The following BRD1 variants were observed in gnomAD, a reference collection of about 807,000 sequenced individuals.
The protein encoded by BRD1 is bromodomain containing 1.
A neutral mutation model predicts 107.7 loss-of-function variants in BRD1; 24 were observed. The ratio of observed to expected loss-of-function variants is 0.22; its 90% confidence interval spans 0.16 to 0.31. The LOEUF (loss-of-function observed/expected upper bound fraction) is 0.31. Ranked by LOEUF, BRD1 falls within the 10% of genes least tolerant of loss-of-function variation. The probability of loss-of-function intolerance (pLI) is 1.00; values close to 1 mark genes in which losing one functional copy is unlikely to be tolerated. For synonymous variants in BRD1, 744 were observed against 686.1 expected (o/e 1.08, Z -1.32); for missense variants, 1,279 against 1,638.6 (o/e 0.78, Z 3.79).
At position 49,773,444 on chromosome 22, in the gene BRD1, C is replaced by T. The variant is rs1009862924; in HGVS notation, c.*789G>A. On this transcript the variant is annotated 3_prime_UTR_variant, in exon 13 of 13. Transcript: ENST00000404760. ...ATGTATCCAAAGTTTCTATTGCTAC[C>T]AAAGTGTTCTAAATTAAAACAAGTT... is the stretch of plus-strand genomic sequence containing the variant. The T allele has an allele frequency of 3.3e-5, 5 of 152,516 alleles. No individual in the cohort carries two copies. The highest frequency in any genetic ancestry group is 7.2e-5 in the African/African-American group (3 of 41,428). 9.4% of individuals were successfully genotyped at this position (152,516 alleles called of 1,614,324 possible). A position where few individuals can be genotyped will look rare whatever the true frequency, so the allele number is the denominator to read the frequency against.
chr22:49,790,234 A>G (rs1175735185), intron 7 of BRD1, among the ~76,000 whole-genome samples: 1 of 152,156 alleles, frequency 6.6e-6, no homozygotes, highest in African/African-American at 2.4e-5. Flanking sequence ...CCTCATCCAT[A>G]AAATCAGAAA....
intron 11 of BRD1, 77 bp from the exon 12 acceptor site, chr22:49,775,822 C>CCA: frequency 1.5e-6 from 2 of 1,368,020 alleles, no homozygotes. Flanking sequence ...GGCACCCCCC[C>CCA]CCGCCTCCCC....
At chr22:49,826,132 G>T in intron 1 of BRD1, 1 of 976,502 alleles carries the variant, frequency 1.0e-6, no homozygotes, top group Non-Finnish European at 1.2e-6. Context: ...TGGGGCAGAA[G>T]CAACAGTTGG....
chr22:49,783,465 A>G lies in BRD1; in HGVS notation c.2857+3925T>C, dbSNP rs990714721. Among the ~76,000 whole-genome samples, 1 of 152,244 alleles carries G rather than the reference A, an allele frequency of 6.6e-6. No individual in the cohort carries two copies. On this transcript the variant is annotated intron_variant, in intron 8 of 12. Transcript: ENST00000404760. The surrounding 1 kb of genome is among the most constrained non-coding windows in gnomAD (Gnocchi z 4.2). ...AGACAGTGCCGAGCCAAGTTCCTCC[A>G]TACCCCATGGCACAGACACAGCACA...
chr22:49,817,873 C>T (rs945650401), intron 2 of BRD1, among the ~76,000 whole-genome samples: 17 of 152,164 alleles, frequency 1.1e-4, no homozygotes, highest in Non-Finnish European at 2.9e-5. Context: ...TACAAAGGTG[C>T]GATCACAACT....
intron 7 of BRD1, among the ~76,000 whole-genome samples, chr22:49,791,037 T>C (rs1228164821): frequency 2.6e-5 from 4 of 152,256 alleles, no homozygotes; most frequent in East Asian, 1.9e-4. Context: ...TGCACTGACC[T>C]GCCTCACCAT....
chr22:49,808,340 C>T (rs1170804187), intron 2 of BRD1, among the ~76,000 whole-genome samples: 1 of 152,288 alleles, frequency 6.6e-6, no homozygotes, highest in East Asian at 1.9e-4. Flanking sequence ...GGTTATTCAG[C>T]CTTAAAAGGC....
At chr22:49,775,485 G>T in intron 12 of BRD1, 106 bp downstream of exon 12, 2 of 1,112,594 alleles carry the variant, frequency 1.8e-6, no homozygotes, top group Non-Finnish European at 2.3e-6. Context: ...CTGTGCCAGG[G>T]CCCAGCAGAC....
chr22:49,797,338 G>A (rs1357300251), intron 6 of BRD1, among the ~76,000 whole-genome samples: 2 of 152,194 alleles, frequency 1.3e-5, no homozygotes, highest in Non-Finnish European at 2.9e-5. Context: ...CCGGCTTCAC[G>A]CCACCCTCAG....
At chr22:49,777,549 G>T in intron 9 of BRD1, 129 bp downstream of exon 9, 3 of 1,314,786 alleles carry the variant, frequency 2.3e-6, no homozygotes, top group South Asian at 1.4e-5. Context: ...GAGCACACAT[G>T]AATCCCAGGC....
chr22:49,804,869 A>G lies in BRD1; in HGVS notation c.1368-509T>C, dbSNP rs79586269. ...CTGACTCAAAAATAAAATTAAAAAA[A>G]AAAGATTTCATCCACTTCTCATTCA... On this transcript the variant is annotated intron_variant, in intron 2 of 12. Transcript: ENST00000404760. 9.2e-3 allele frequency among the ~76,000 whole-genome samples: 1,405 copies of G among 152,322 alleles called. 26 individuals carry two copies. Among genetic ancestry groups the G allele is most frequent in the African/African-American group, 0.033 (1,358 of 41,562 alleles).
chr22:49,775,550 C>A (rs1404477674), intron 12 of BRD1, 41 bp downstream of exon 12: 1 of 1,361,038 alleles, frequency 7.3e-7, no homozygotes, highest in Admixed American at 2.7e-5. Context: ...GGCCCCCAAC[C>A]ACCCCAGCCG....
At chr22:49,786,149 T>C (rs1007511794) in intron 8 of BRD1, among the ~76,000 whole-genome samples, 19 of 151,524 alleles carry the variant, frequency 1.3e-4, no homozygotes, top group African/African-American at 4.1e-4. Flanking sequence ...CGCATCTCCT[T>C]ATCTAGGTAT....
At chr22:49,807,036 AC>A (rs2059759644) in intron 2 of BRD1, 1 of 151,672 alleles carries the variant, frequency 6.6e-6, no homozygotes, top group South Asian at 2.1e-4. Flanking sequence ...AGGGAAAAGA[AC>A]CCCGGAAATG....
In BRD1 at chr22:49,823,964, C is replaced by T. The variant is rs375151565; in HGVS notation, c.354G>A (p.Pro118=). The part of the protein sequence containing the change: ...HGTPASASAL[P]EPKVRIVEYS... ...ACTCCACGATGCGCACCTTGGGCTCCGGGAGGGCACTGGCCGAGGCCGGCG... is the reference window on the plus strand; with the variant it reads ...ACTCCACGATGCGCACCTTGGGCTCTGGGAGGGCACTGGCCGAGGCCGGCG... Residue 118 remains proline, a synonymous_variant, in exon 2 of 13, where the codon CCG becomes CCA. Coordinates refer to ENST00000404760, the MANE Select transcript of BRD1 (RefSeq NM_001304808.3). 6.4e-5 allele frequency: 103 copies of T among 1,614,038 alleles called. No homozygotes were observed. The African/African-American group carries it at 8.5e-4, about 13-fold the overall frequency.
In BRD1 at chr22:49,798,694, G is replaced by A. The variant is rs564013262; in HGVS notation, c.1657-8C>T. The A allele has an allele frequency of 3.1e-6, 5 of 1,592,478 alleles. No homozygotes were observed. Among genetic ancestry groups the A allele is most frequent in the Non-Finnish European group, 4.3e-6 (5 of 1,170,658 alleles). On this transcript the variant is annotated splice_polypyrimidine_tract_variant and splice_region_variant and intron_variant, in intron 4 of 12. Transcript: ENST00000404760. ...GACCTGCTCCACCTTCACCTGGGGG[G>A]GCCCAGCAGAGCCTCAGCTTTAGGG...
intron 2 of BRD1, among the ~76,000 whole-genome samples, chr22:49,811,997 CAG>C (rs1453687597): frequency 6.6e-6 from 1 of 151,624 alleles, no homozygotes; most frequent in African/African-American, 2.4e-5. Context: ...CTCTCAAAAA[CAG>C]AAAAATCACA....
intron 3 of BRD1, 123 bp downstream of exon 3, chr22:49,804,081 G>GGCTTCCC: frequency 1.2e-6 from 1 of 811,792 alleles, no homozygotes; most frequent in Non-Finnish European, 1.8e-6. Flanking sequence ...ACGAGACGGA[G>GGCTTCCC]GCTTCCCAAC....
At position 49,794,102 on chromosome 22, in the gene BRD1, G is replaced by T. The variant is rs746805698; in HGVS notation, c.2291C>A (p.Pro764His). 1.6e-5 allele frequency: 26 copies of T among 1,614,106 alleles called. No homozygotes were observed. The Admixed American group carries it at 4.0e-4, about 25-fold the overall frequency. The change falls in exon 7 of 13, where the codon CCC becomes CAC. Residue 764 changes from proline (P) to histidine (H), a missense_variant. Pro to His is a moderately conservative substitution (Grantham distance 77). This residue lies in a region of BRD1 where 406 missense variants were observed against 519.4 expected (regional missense o/e 0.78). Coordinates refer to ENST00000404760, the MANE Select transcript of BRD1 (RefSeq NM_001304808.3). ...GAAGCCTTCCAAGCCTGGCCCCGTG[G>T]GCAGGGGCTGGCTGTGCTGCTGGCT... Reference protein sequence around the residue: ...KLSQQHSQPLPTGPGLEGFEE... With the variant: ...KLSQQHSQPLHTGPGLEGFEE...
Sources: allele counts gnomAD v4.1 joint callset (sites outside exome capture counted in the v4.1 genomes callset), GRCh38; gene constraint gnomAD v4.1.1; regional missense constraint gnomAD v4.1.1; non-coding constraint Gnocchi (gnomAD v3.1); transcripts MANE v1.5; gene names NCBI Gene and HGNC (gene_info 2026-07-23, HGNC 2026-07-21).